The following ANO4 variants were observed in gnomAD, a reference collection of about 807,000 sequenced individuals.
ANO4 encodes the protein anoctamin-4.
A neutral mutation model predicts 141.9 loss-of-function variants in ANO4; 69 were observed. That is an observed-to-expected ratio of 0.49 (90% CI 0.40 to 0.59). The LOEUF (loss-of-function observed/expected upper bound fraction) is 0.59, where lower values mean the gene tolerates loss of function less well. Among genes scored for constraint, ANO4 ranks in the 20% least tolerant of loss-of-function variants. The probability of loss-of-function intolerance (pLI) is 0.00; values close to 1 mark genes in which losing one functional copy is unlikely to be tolerated. For synonymous variants in ANO4, 350 were observed against 394.3 expected, an observed-to-expected ratio of 0.89 and a Z score of 1.33; for missense variants, 894 against 1,162.2, an observed-to-expected ratio of 0.77 and a Z score of 3.36.
At chr12:100,761,412 C>G (rs538389209) in intron 3 of ANO4, among the ~76,000 whole-genome samples, 12 of 152,276 alleles carry the variant, frequency 7.9e-5, no homozygotes, top group African/African-American at 2.6e-4. Context: ...TGAAATCAGC[C>G]AAGTTTCCAG....
At chr12:101,080,866 ATATATATATATATATAT>A (rs2049220662) in intron 15 of ANO4, among the ~76,000 whole-genome samples, 4 of 22,650 alleles carry the variant, frequency 1.8e-4, no homozygotes, top group South Asian at 5.8e-3. Context: ...TAGGTTCTAG[ATATATATATATATATAT>A]TATATATATA....
intron 11 of ANO4, among the ~76,000 whole-genome samples, chr12:101,040,559 G>A (rs986155796): frequency 6.6e-6 from 1 of 152,178 alleles, no homozygotes; most frequent in Non-Finnish European, 1.5e-5. Context: ...AGATCAAAAA[G>A]TATATCAGCT....
intron 5 of ANO4, among the ~76,000 whole-genome samples, chr12:100,955,939 T>C (rs1252301597): frequency 6.6e-6 from 1 of 152,194 alleles, no homozygotes; most frequent in Non-Finnish European, 1.5e-5. Context: ...GTGAATCCCA[T>C]GAGGACTGCA....
chr12:100,887,557 T>A (rs1194774126), intron 1 of ANO4, among the ~76,000 whole-genome samples: 1 of 151,978 alleles, frequency 6.6e-6, no homozygotes, highest in Non-Finnish European at 1.5e-5. Context: ...GAAGTATTGA[T>A]GTCATGTCCT....
chr12:101,056,479 T>C (rs940505427), intron 14 of ANO4, among the ~76,000 whole-genome samples: 3 of 152,176 alleles, frequency 2.0e-5, no homozygotes, highest in African/African-American at 7.2e-5. Flanking sequence ...TTATTAGTGC[T>C]TCTAGCTTTT....
intron 14 of ANO4, among the ~76,000 whole-genome samples, chr12:101,056,832 A>G (rs1036892359): frequency 6.9e-6 from 1 of 145,038 alleles, no homozygotes; most frequent in East Asian, 2.0e-4. Flanking sequence ...TCCTGTATTA[A>G]CTAAGACAAT....
chr12:100,989,314 A>T (rs997706664), intron 8 of ANO4, among the ~76,000 whole-genome samples: 4 of 152,210 alleles, frequency 2.6e-5, no homozygotes, highest in African/African-American at 9.7e-5. Flanking sequence ...AGACAGAAAA[A>T]AGCTGATACG....
chr12:100,944,652 C>T (rs1415638544), intron 5 of ANO4, among the ~76,000 whole-genome samples: 2 of 152,122 alleles, frequency 1.3e-5, no homozygotes, highest in Non-Finnish European at 2.9e-5. Flanking sequence ...CTTGCCCTGA[C>T]TTTGCATAAA....
chr12:101,106,573 G>GTATA (rs56808655), intron 22 of ANO4, among the ~76,000 whole-genome samples: 21,709 of 138,392 alleles, frequency 0.16, 1,941 homozygotes, highest in African/African-American at 0.26. Flanking sequence ...GTGTGTGTGT[G>GTATA]TATATATATA....
intron 1 of ANO4, among the ~76,000 whole-genome samples, chr12:100,851,514 G>T (rs2037870315): frequency 6.6e-6 from 1 of 152,026 alleles, no homozygotes; most frequent in Non-Finnish European, 1.5e-5. Context: ...GTAAATTTAA[G>T]AATTTATTTA....
At chr12:101,016,123 C>G (rs12823961) in intron 8 of ANO4, among the ~76,000 whole-genome samples, 1 of 151,858 alleles carries the variant, frequency 6.6e-6, no homozygotes, top group African/African-American at 2.4e-5. Context: ...GTTTCATAGC[C>G]CCTGTGTTAG....
intron 14 of ANO4, among the ~76,000 whole-genome samples, chr12:101,060,178 A>G (rs553842730): frequency 6.6e-6 from 1 of 152,302 alleles, no homozygotes; most frequent in East Asian, 1.9e-4. Context: ...GTTTCCATGT[A>G]GTTGTGCAGC....
At chr12:100,911,543 C>T (rs2041104697) in intron 2 of ANO4, among the ~76,000 whole-genome samples, 3 of 152,214 alleles carry the variant, frequency 2.0e-5, no homozygotes, top group Admixed American at 2.0e-4. Context: ...TTTGTAGCTT[C>T]TCTTTCTGGT....
chr12:101,091,699 TA>T (rs2049783142), intron 17 of ANO4, among the ~76,000 whole-genome samples: 1 of 152,086 alleles, frequency 6.6e-6, no homozygotes, highest in South Asian at 2.1e-4. Context: ...AGACATTAAT[TA>T]TTAATAATTT....
At chr12:100,886,076 TCTA>T (rs1344033414) in intron 1 of ANO4, among the ~76,000 whole-genome samples, 3 of 131,524 alleles carry the variant, frequency 2.3e-5, no homozygotes, top group Non-Finnish European at 3.2e-5. Flanking sequence ...TACTAAAGAC[TCTA>T]CTTTCAAACT....
intron 5 of ANO4, among the ~76,000 whole-genome samples, chr12:100,952,585 A>G (rs2043013784): frequency 6.6e-6 from 1 of 152,150 alleles, no homozygotes; most frequent in Non-Finnish European, 1.5e-5. Context: ...AGATATAACG[A>G]TAAGTCCCAC....
intron 1 of ANO4, among the ~76,000 whole-genome samples, chr12:100,881,640 A>G (rs1228831010): frequency 2.6e-5 from 4 of 152,190 alleles, no homozygotes; most frequent in South Asian, 2.1e-4. Context: ...CAGTCATTGC[A>G]CTGTTCTCAA....
chr12:101,101,305 T>C (rs866089269), intron 22 of ANO4, among the ~76,000 whole-genome samples: 13 of 152,214 alleles, frequency 8.5e-5, no homozygotes, highest in African/African-American at 2.4e-4. Context: ...TGTAGTTGGC[T>C]TGTTTCATTC....
intron 3 of ANO4, among the ~76,000 whole-genome samples, chr12:100,749,529 A>G (rs2032272215): frequency 6.6e-6 from 1 of 152,188 alleles, no homozygotes; most frequent in Non-Finnish European, 1.5e-5. Context: ...ATTCCAGCGG[A>G]GTCCTGTTCA....
Sources: gnomAD v4.1 joint callset for allele counts (sites outside exome capture counted in the v4.1 genomes callset) on GRCh38, gnomAD v4.1.1 for gene constraint, MANE v1.5 for transcripts, NCBI Gene and HGNC (gene_info 2026-07-23, HGNC 2026-07-21) for gene names.